The following RIPOR2 variants were observed in gnomAD, a reference collection of about 807,000 sequenced individuals.
The protein encoded by RIPOR2 is RHO family interacting cell polarization regulator 2, also known as rho family-interacting cell polarization regulator 2.
Under a neutral mutation model 114.5 loss-of-function variants are expected in RIPOR2, and 39 were observed. The observed-to-expected ratio is 0.34, with a 90% CI of 0.26 to 0.44. RIPOR2 has a LOEUF of 0.44. RIPOR2 is among the 20% of genes least tolerant of loss of function. RIPOR2 has a pLI of 1.00. For synonymous variants in RIPOR2, 445 were observed against 484.4 expected, an observed-to-expected ratio of 0.92 and a Z score of 1.07; for missense variants, 1,007 against 1,255.1, an observed-to-expected ratio of 0.80 and a Z score of 2.99.
intron 1 of RIPOR2, among the ~76,000 whole-genome samples, chr6:24,914,810 T>A (rs886477892): frequency 2.6e-5 from 4 of 152,314 alleles, no homozygotes; most frequent in African/African-American, 9.6e-5. Flanking sequence ...ATTCCCTGAC[T>A]TACAGCTTCA....
At chr6:25,019,798 A>AAAAAAAG (rs1776222365) in intron 1 of RIPOR2, among the ~76,000 whole-genome samples, 1 of 138,432 alleles carries the variant, frequency 7.2e-6, no homozygotes, top group Non-Finnish European at 1.6e-5. Flanking sequence ...AAAAAAAAAA[A>AAAAAAAG]GAAAAGAAAG....
chr6:25,026,935 G>C (rs1776655289), intron 1 of RIPOR2, among the ~76,000 whole-genome samples: 1 of 152,126 alleles, frequency 6.6e-6, no homozygotes, highest in South Asian at 2.1e-4. Flanking sequence ...CCACTCCCGG[G>C]CTCCTCAGGT....
intron 1 of RIPOR2, among the ~76,000 whole-genome samples, chr6:24,969,563 A>G (rs1003846254): frequency 6.6e-5 from 10 of 152,186 alleles, no homozygotes; most frequent in Non-Finnish European, 1.3e-4. Flanking sequence ...TGAGGCCCCA[A>G]TGTGCAAACT....
intron 7 of RIPOR2, 34 bp downstream of exon 7, chr6:24,865,267 G>T: frequency 1.3e-6 from 2 of 1,564,056 alleles, no homozygotes; most frequent in Non-Finnish European, 1.7e-6. Context: ...GGCCAGATGG[G>T]ATTCGGCAAC....
At chr6:24,874,155 C>T (rs1273860893) in intron 2 of RIPOR2, among the ~76,000 whole-genome samples, 3 of 151,956 alleles carry the variant, frequency 2.0e-5, no homozygotes, top group Non-Finnish European at 4.4e-5. Context: ...CTCAGCCTCC[C>T]GAGGTACTGG....
At chr6:24,825,790 C>T (rs1760117125) in intron 18 of RIPOR2, among the ~76,000 whole-genome samples, 1 of 152,144 alleles carries the variant, frequency 6.6e-6, no homozygotes, top group Non-Finnish European at 1.5e-5. Context: ...TTAATTGCTC[C>T]TCTTTTAGTC....
At chr6:24,840,777 T>C (rs1226734539) in intron 13 of RIPOR2, 17 of 1,535,240 alleles carry the variant, frequency 1.1e-5, no homozygotes, top group African/African-American at 2.7e-5. Context: ...TTTAGCATCC[T>C]AGGAATGTGA....
At chr6:24,839,862 C>A in intron 13 of RIPOR2, 1 of 1,111,158 alleles carries the variant, frequency 9.0e-7, no homozygotes. Context: ...AAAGGACTAA[C>A]AAAACAAATC....
chr6:24,973,903 A>G (rs1773911460), intron 1 of RIPOR2, among the ~76,000 whole-genome samples: 1 of 152,190 alleles, frequency 6.6e-6, no homozygotes, highest in Non-Finnish European at 1.5e-5. Context: ...TTGGGGACAC[A>G]TGGACATAAA....
rs1761932810 is a variant in RIPOR2 at position 24,843,378 on chromosome 6, G to C, written c.1341C>G (p.Leu447=). Residue 447 remains leucine (L), a synonymous_variant, in exon 13 of 22, where the codon CTC becomes CTG. Transcript: ENST00000643898. Reference sequence around the variant, plus strand: ...CCTCATTCTGGGAGGCCAAGCTGCTGAGGTTAAACTCCGCAGGGGTGATGG... The same window carrying C: ...CCTCATTCTGGGAGGCCAAGCTGCTCAGGTTAAACTCCGCAGGGGTGATGG... ...EITITPAEFN[L]SSLASQNEGM... is the part of the protein sequence containing the mutation. 1 of 1,613,830 alleles carries C rather than the reference G, an allele frequency of 6.2e-7. No homozygotes were observed.
At position 24,859,338 on chromosome 6, in the gene RIPOR2, C is replaced by T. The variant is rs565131454; in HGVS notation, c.715+1635G>A. Among the ~76,000 whole-genome samples the T allele has an allele frequency of 5.9e-5, 9 of 152,220 alleles. No individual in the cohort carries two copies. In the South Asian group the frequency reaches 6.2e-4, roughly 11 times the overall value. ...CGACTGTGCTAGTCTGTGTGGGTGG[C>T]GTCTGAGAGTTGGGGGAAGTAGAGG... On this transcript the variant is annotated intron_variant, in intron 8 of 21. Coordinates refer to ENST00000643898, the MANE Select transcript of RIPOR2 (RefSeq NM_001286445.3).
chr6:25,024,294 T>A (rs1776493424), intron 1 of RIPOR2: 21 of 1,529,500 alleles, frequency 1.4e-5, no homozygotes, highest in Non-Finnish European at 1.9e-5. Flanking sequence ...CCTGATGACA[T>A]CCTCAATGAA....
intron 1 of RIPOR2, among the ~76,000 whole-genome samples, chr6:24,916,841 G>A (rs758993326): frequency 5.3e-5 from 8 of 152,110 alleles, no homozygotes; most frequent in African/African-American, 1.2e-4. Context: ...TGAATGTCCC[G>A]GAGGTTCAGA....
intron 1 of RIPOR2, among the ~76,000 whole-genome samples, chr6:25,000,532 C>T (rs77508857): frequency 0.014 from 2,112 of 152,234 alleles, 39 homozygotes; most frequent in African/African-American, 0.048. Context: ...TTTTAATCTA[C>T]AGTTAATGCA....
At chr6:24,916,685 T>C (rs1220921201) in intron 1 of RIPOR2, among the ~76,000 whole-genome samples, 1 of 152,220 alleles carries the variant, frequency 6.6e-6, no homozygotes, top group African/African-American at 2.4e-5. Context: ...GACCCTGTTA[T>C]CCTTTGCCCG....
rs72839987 is a variant in RIPOR2 at position 24,975,466 on chromosome 6, A to G, written c.76+66385T>C. ...GGTGAAAAGGGGAGACATTGATTAA[A>G]GGGTACAAATATTCAGTTATCAGAC... On this transcript the variant is annotated intron_variant, in intron 1 of 13. Coordinates refer to the RIPOR2 transcript ENST00000510784. Among the ~76,000 whole-genome samples, 1,041 of 152,338 alleles carry G rather than the reference A, an allele frequency of 6.8e-3. 3 individuals are homozygous for G. Among genetic ancestry groups the G allele is most frequent in the Non-Finnish European group, 0.011 (728 of 68,018 alleles).
intron 1 of RIPOR2, chr6:25,024,377 C>T (rs1581971481): frequency 7.5e-7 from 1 of 1,335,282 alleles, no homozygotes; most frequent in Admixed American, 1.7e-5. Flanking sequence ...CAGTGTTGGC[C>T]AGGTAGGCAA....
At chr6:24,927,704 A>T (rs142854656) in intron 1 of RIPOR2, among the ~76,000 whole-genome samples, 99 of 152,272 alleles carry the variant, frequency 6.5e-4, no homozygotes, top group African/African-American at 2.0e-3. Flanking sequence ...CACTACAACC[A>T]CTACTACCAT....
intron 1 of RIPOR2, among the ~76,000 whole-genome samples, chr6:24,893,337 A>T (rs1767549807): frequency 6.6e-6 from 1 of 152,256 alleles, no homozygotes; most frequent in Non-Finnish European, 1.5e-5. Context: ...ACACTCGTCT[A>T]GCATAAAGTA....
Sources: gnomAD v4.1 joint callset for allele counts (sites outside exome capture counted in the v4.1 genomes callset) on GRCh38, gnomAD v4.1.1 for gene constraint, MANE v1.5 for transcripts, NCBI Gene and HGNC (gene_info 2026-07-23, HGNC 2026-07-21) for gene names.